Variants in GRK7 observed in about 807,000 individuals in gnomAD.
The protein encoded by GRK7 is G protein-coupled receptor kinase 7.
GRK7 carries 24 observed loss-of-function variants against 34.1 expected under a neutral mutation model. That is an observed-to-expected ratio of 0.70 (90% confidence interval 0.51 to 0.99). GRK7 has a LOEUF of 0.99. GRK7 is among the 50% of genes least tolerant of loss of function. GRK7 has a pLI of 0.00. For missense variants in GRK7, 644 were observed against 707.3 expected (o/e 0.91, Z 1.02); for synonymous variants, 256 against 279.4 (o/e 0.92, Z 0.84).
At chr3:141,781,012 C>G (rs1372418547) in intron 4 of GRK7, among the ~76,000 whole-genome samples, 1 of 152,158 alleles carries the variant, frequency 6.6e-6, no homozygotes, top group Non-Finnish European at 1.5e-5. Flanking sequence ...CTACTTTGCT[C>G]TCCTCTCACA....
intron 4 of GRK7, among the ~76,000 whole-genome samples, chr3:141,791,728 G>T (rs1180387645): frequency 6.6e-6 from 1 of 152,156 alleles, no homozygotes; most frequent in Non-Finnish European, 1.5e-5. Context: ...GGATAGCCAG[G>T]TGCCGTGGCT....
chr3:141,799,684 T>C (rs1710931355), intron 4 of GRK7, among the ~76,000 whole-genome samples: 1 of 152,070 alleles, frequency 6.6e-6, no homozygotes, highest in Admixed American at 6.5e-5. Flanking sequence ...AACCTCTCTA[T>C]GGTTCAGTTT....
rs774924835 is a variant in GRK7, at chr3:141,778,235, G to A, written c.-50G>A. ...ACCCGGGAAGGGAAAGCAGCCAGCAGCCCTCCAGCCCTCTTGTGCTTTCCC... is the reference window on the plus strand; with the variant it reads ...ACCCGGGAAGGGAAAGCAGCCAGCAACCCTCCAGCCCTCTTGTGCTTTCCC... On this transcript the variant is annotated 5_prime_UTR_variant, in exon 3 of 6. Transcript: ENST00000682958. This position sits in a 1 kb window ranked among gnomAD's most constrained non-coding sequence, Gnocchi z 4.1. 6.6e-7 allele frequency: 1 copy of A among 1,515,766 alleles called. No homozygotes were observed. The highest frequency in any genetic ancestry group is 8.8e-7 in the Non-Finnish European group (1 of 1,133,142). The allele number at this position is 1,515,766 out of a possible 1,614,324, so 93.9% of individuals were successfully genotyped here. A position where few individuals can be genotyped will look rare whatever the true frequency, so the allele number is the denominator to read the frequency against.
chr3:141,755,653 A>G, the GRK7 span, among the ~76,000 whole-genome samples: 7 of 152,208 alleles, frequency 4.6e-5, no homozygotes, highest in African/African-American at 7.2e-5. Flanking sequence ...ACCACCCTAG[A>G]ATAGCTCAAA....
At chr3:141,769,128 A>C (rs1056243737) in intron 1 of GRK7, among the ~76,000 whole-genome samples, 2 of 151,944 alleles carry the variant, frequency 1.3e-5, no homozygotes, top group Admixed American at 6.6e-5. Flanking sequence ...TGCCCACCTA[A>C]CATCACCACT....
chr3:141,776,235 C>G (rs1160430995), intron 2 of GRK7, among the ~76,000 whole-genome samples: 2 of 151,498 alleles, frequency 1.3e-5, no homozygotes, highest in Admixed American at 1.3e-4. Context: ...TGCAGTGAGC[C>G]GAGATCACGC....
At chr3:141,805,996 T>C (rs75869085) in intron 4 of GRK7, among the ~76,000 whole-genome samples, 4 of 152,186 alleles carry the variant, frequency 2.6e-5, no homozygotes, top group Non-Finnish European at 4.4e-5. Flanking sequence ...AAATGCATAG[T>C]TGTAATCAGT....
intron 4 of GRK7, among the ~76,000 whole-genome samples, chr3:141,800,479 A>G (rs1207055798): frequency 6.6e-6 from 1 of 152,120 alleles, no homozygotes; most frequent in Non-Finnish European, 1.5e-5. Context: ...GATGCAGGGA[A>G]TAGAAGAGAC....
intron 4 of GRK7, among the ~76,000 whole-genome samples, chr3:141,796,033 A>C (rs1400953017): frequency 6.6e-6 from 1 of 152,224 alleles, no homozygotes; most frequent in Non-Finnish European, 1.5e-5. Flanking sequence ...TTAGAAGCTC[A>C]GAGCATTCAT....
the GRK7 span, among the ~76,000 whole-genome samples, chr3:141,750,343 G>A: frequency 6.6e-6 from 1 of 152,228 alleles, no homozygotes; most frequent in African/African-American, 2.4e-5. Flanking sequence ...TTGCCTGGGT[G>A]AGTGTAGCTG....
intron 4 of GRK7, among the ~76,000 whole-genome samples, chr3:141,800,874 A>G (rs1710953451): frequency 6.6e-6 from 1 of 152,258 alleles, no homozygotes; most frequent in African/African-American, 2.4e-5. Flanking sequence ...ATGAGGGCGT[A>G]TTTAATTATT....
chr3:141,813,527 T>C (rs1051555123), intron 5 of GRK7, among the ~76,000 whole-genome samples: 6 of 152,238 alleles, frequency 3.9e-5, no homozygotes, highest in South Asian at 2.1e-4. Context: ...CAGTCGGTTC[T>C]GGTAGATGGC....
chr3:141,796,981 T>C (rs562776224), intron 4 of GRK7, among the ~76,000 whole-genome samples: 1 of 152,122 alleles, frequency 6.6e-6, no homozygotes, highest in Non-Finnish European at 1.5e-5. Flanking sequence ...CACAGTCCCA[T>C]AAGGCAAGAA....
chr3:141,803,354 C>T (rs891297262), intron 4 of GRK7, among the ~76,000 whole-genome samples: 2 of 151,394 alleles, frequency 1.3e-5, no homozygotes, highest in East Asian at 1.9e-4. Context: ...TCGCTTGAAC[C>T]GGGGAGGTGG....
Position 141,763,763 on chromosome 3 carries a change from T to A in GRK7, c.-2190T>A, listed in dbSNP as rs192271716. Among the ~76,000 whole-genome samples, 77 of 152,330 alleles carry A rather than the reference T, an allele frequency of 5.1e-4. 1 individual carries two copies. The highest frequency in any genetic ancestry group is 6.0e-4 in the Non-Finnish European group (41 of 68,036). On this transcript the variant is annotated 5_prime_UTR_variant, in exon 1 of 6. Transcript: ENST00000682958. ...CTAACTCTAATTCCAAGTAGTTCTT[T>A]ACATTCCCTTTTATTCCTGCAACTC...
intron 3 of GRK7, among the ~76,000 whole-genome samples, chr3:141,779,608 G>A (rs2084661193): frequency 6.6e-6 from 1 of 152,110 alleles, no homozygotes; most frequent in South Asian, 2.1e-4. Context: ...TCGCACAAAT[G>A]CAATGTTGGG....
In GRK7 at chr3:141,795,345, C is replaced by T. The variant is rs563572875; in HGVS notation, c.1051-12300C>T. On this transcript the variant is annotated intron_variant, in intron 4 of 5. Coordinates refer to ENST00000682958, the MANE Select transcript of GRK7 (RefSeq NM_139209.3). ...GGCAGGGATACTGCCAAACATCTTACAATGAATAGCACAGCCCCCAACACA... is the reference window on the plus strand; with the variant it reads ...GGCAGGGATACTGCCAAACATCTTATAATGAATAGCACAGCCCCCAACACA... Among the ~76,000 whole-genome samples, 20 of 152,246 alleles carry T rather than the reference C, an allele frequency of 1.3e-4. No homozygotes were observed. In the South Asian group the frequency reaches 4.1e-3, roughly 32 times the overall value.
chr3:141,800,221 A>G (rs1032407356), intron 4 of GRK7, among the ~76,000 whole-genome samples: 7 of 151,984 alleles, frequency 4.6e-5, no homozygotes, highest in African/African-American at 1.7e-4. Context: ...AGTTCCCCAA[A>G]TGAGAGCAAG....
intron 4 of GRK7, among the ~76,000 whole-genome samples, chr3:141,797,377 G>T (rs937190550): frequency 1.3e-5 from 2 of 152,272 alleles, no homozygotes; most frequent in South Asian, 4.1e-4. Context: ...TAAGTCCCCT[G>T]GGGTCCCAGG....
Sources: allele counts gnomAD v4.1 joint callset (sites outside exome capture counted in the v4.1 genomes callset), GRCh38; gene constraint gnomAD v4.1.1; non-coding constraint Gnocchi (gnomAD v3.1); transcripts MANE v1.5; gene names NCBI Gene and HGNC (gene_info 2026-07-23, HGNC 2026-07-21).